The following TMEM44 variants were observed in gnomAD, a reference collection of about 807,000 sequenced individuals.
TMEM44 encodes the protein transmembrane protein 44.
Under a neutral mutation model 47.8 loss-of-function variants are expected in TMEM44, and 43 were observed. That is an observed-to-expected ratio of 0.90 (90% CI 0.70 to 1.16). The LOEUF (loss-of-function observed/expected upper bound fraction) is 1.16. Ranked by LOEUF, TMEM44 falls within the 50% of genes most tolerant of loss-of-function variation. TMEM44 has a pLI of 0.00. For synonymous variants in TMEM44, 277 were observed against 238.8 expected (o/e 1.16, Z -1.48); for missense variants, 568 against 555.2 (o/e 1.02, Z -0.23).
intron 8 of TMEM44, among the ~76,000 whole-genome samples, chr3:194,608,928 C>T (rs1381636929): frequency 6.6e-6 from 1 of 152,136 alleles, no homozygotes; most frequent in Non-Finnish European, 1.5e-5. Flanking sequence ...TAGAGATGGG[C>T]AGGGCAGGAC....
At chr3:194,597,661 A>G (rs55726551) in intron 9 of TMEM44, among the ~76,000 whole-genome samples, 2 of 148,128 alleles carry the variant, frequency 1.4e-5, no homozygotes, top group African/African-American at 5.3e-5. Context: ...AAAAAAAAAA[A>G]AAAAGAAAAA....
intron 7 of TMEM44, 54 bp downstream of exon 7, chr3:194,615,515 C>G (rs1715782933): frequency 1.3e-6 from 2 of 1,597,552 alleles, no homozygotes; most frequent in African/African-American, 1.3e-5. Flanking sequence ...TCTCAAGATA[C>G]TGTTGCTGGG....
At chr3:194,603,356 G>A (rs774021380) in intron 9 of TMEM44, among the ~76,000 whole-genome samples, 1 of 152,196 alleles carries the variant, frequency 6.6e-6, no homozygotes, top group African/African-American at 2.4e-5. Flanking sequence ...GGTGCTCCTC[G>A]GGGGGAGAAA....
chr3:194,620,062 G>C (rs965846066), intron 5 of TMEM44, among the ~76,000 whole-genome samples: 5 of 152,040 alleles, frequency 3.3e-5, no homozygotes, highest in Non-Finnish European at 7.4e-5. Flanking sequence ...AGGCCGAGGC[G>C]GGTGGATCAC....
chr3:194,616,054 C>A (rs1043876035), intron 6 of TMEM44, among the ~76,000 whole-genome samples: 2 of 151,428 alleles, frequency 1.3e-5, no homozygotes, highest in African/African-American at 4.9e-5. Context: ...CTGAATGTGA[C>A]CCCCTTTTTT....
At chr3:194,609,800 T>A in intron 8 of TMEM44, among the ~76,000 whole-genome samples, 1 of 152,090 alleles carries the variant, frequency 6.6e-6, no homozygotes, top group Non-Finnish European at 1.5e-5. Flanking sequence ...GGCTTCCAAC[T>A]GGCCCTGACT....
intron 5 of TMEM44, among the ~76,000 whole-genome samples, chr3:194,617,943 C>A (rs1467502615): frequency 6.6e-6 from 1 of 152,188 alleles, no homozygotes; most frequent in Non-Finnish European, 1.5e-5. Flanking sequence ...TCTCTCTCTG[C>A]CTGCTCACAC....
chr3:194,620,322 G>A (rs1716388629), intron 5 of TMEM44, among the ~76,000 whole-genome samples: 2 of 150,580 alleles, frequency 1.3e-5, no homozygotes, highest in Admixed American at 1.3e-4. Flanking sequence ...ATACCAGGAA[G>A]GGCCCACCCC....
chr3:194,619,209 C>T (rs1321697811), intron 5 of TMEM44, among the ~76,000 whole-genome samples: 3 of 152,244 alleles, frequency 2.0e-5, no homozygotes, highest in African/African-American at 7.2e-5. Flanking sequence ...AGTGACAGCG[C>T]CCACTGTCCT....
intron 3 of TMEM44, among the ~76,000 whole-genome samples, chr3:194,624,675 T>TC (rs1184884380): frequency 1.3e-5 from 2 of 151,580 alleles, no homozygotes; most frequent in Non-Finnish European, 2.9e-5. Flanking sequence ...CAACTCAGCC[T>TC]CCCGAAGTGC....
intron 9 of TMEM44, among the ~76,000 whole-genome samples, chr3:194,601,189 C>A (rs1814820): frequency 2.0e-5 from 3 of 150,070 alleles, no homozygotes; most frequent in African/African-American, 7.4e-5. Context: ...TTTCACCCAG[C>A]CTGGAGTGAA....
rs150351493 is a variant in TMEM44, at chr3:194,628,390, G to A, written c.257C>T (p.Thr86Ile). ...GCTGGAGGCCCAACATACCTGGATT[G>A]TGAGCTGTCTGGCCAGAAGAGCCCC... is the stretch of plus-strand genomic sequence containing the variant. ...TVGALLARQLTIQVFTGAYLA... is the reference protein window; with the variant it reads ...TVGALLARQLIIQVFTGAYLA... The change falls in exon 2 of 10, where the codon ACA becomes ATA. Residue 86 changes from threonine to isoleucine, a missense_variant. Physicochemically the swap from Thr to Ile is moderately conservative, Grantham distance 89. Coordinates refer to ENST00000347147, the MANE Select transcript of TMEM44 (RefSeq NM_001011655.3). The A allele has an allele frequency of 2.5e-6, 4 of 1,610,960 alleles. No individual in the cohort carries two copies. In the African/African-American group the frequency reaches 5.3e-5, roughly 22 times the overall value.
At chr3:194,594,520 A>T (rs1157347562) in intron 9 of TMEM44, among the ~76,000 whole-genome samples, 2 of 149,488 alleles carry the variant, frequency 1.3e-5, no homozygotes, top group African/African-American at 4.9e-5. Context: ...ATAAGGACTT[A>T]AAAAAAAAAC....
rs556285389 is a variant in TMEM44 at position 194,599,917 on chromosome 3, A to G, written c.1176+4370T>C. On this transcript the variant is annotated intron_variant, in intron 9 of 9. Coordinates refer to ENST00000347147, the MANE Select transcript of TMEM44 (RefSeq NM_001011655.3). ...TGGGATTACAGGCATGCGCCACCAT[A>G]CCCGGCTAATTTTTGTATTTTTAGT... 2.5e-3 allele frequency among the ~76,000 whole-genome samples: 373 copies of G among 151,080 alleles called. 2 individuals carry two copies. The highest frequency in any genetic ancestry group is 0.021 in the South Asian group (100 of 4,786).
In TMEM44 at chr3:194,611,158, C is replaced by T; in HGVS notation, c.913-138G>A. 2 of 694,186 alleles carry T rather than the reference C, an allele frequency of 2.9e-6. No homozygotes were observed. Among genetic ancestry groups the T allele is most frequent in the Non-Finnish European group, 5.1e-6 (2 of 392,910 alleles). The allele number at this position is 694,186 out of a possible 1,614,324, so 43.0% of individuals were successfully genotyped here. ...CTTTTTTAACGGCACGTCTCACTTT[C>T]TGCTTCCTATAAGATGTGTCTTATC... On this transcript the variant is annotated intron_variant, in intron 7 of 9. Transcript: ENST00000347147. The surrounding 1 kb of genome is among the most constrained non-coding windows in gnomAD (Gnocchi z 4.2).
intron 1 of TMEM44, among the ~76,000 whole-genome samples, chr3:194,628,841 A>C (rs1717461643): frequency 1.3e-5 from 2 of 152,066 alleles, no homozygotes; most frequent in South Asian, 4.1e-4. Context: ...ATCGGGTTTT[A>C]TTTTTTGAAA....
intron 9 of TMEM44, among the ~76,000 whole-genome samples, chr3:194,592,087 G>A (rs1253072498): frequency 6.6e-6 from 1 of 151,914 alleles, no homozygotes; most frequent in African/African-American, 2.4e-5. Flanking sequence ...GCGCGGTGGC[G>A]GGCGCCTGTA....
At chr3:194,588,771 A>ACTTGTCCTTACCCTTTT in intron 9 of TMEM44, 132 bp from the exon 10 acceptor site, 6 of 833,930 alleles carry the variant, frequency 7.2e-6, no homozygotes, top group Non-Finnish European at 1.1e-5. Flanking sequence ...CAAAAGGGTA[A>ACTTGTCCTTACCCTTTT]GGACAAGTTA....
At chr3:194,632,668 A>T (rs574286399) in intron 1 of TMEM44, among the ~76,000 whole-genome samples, 1 of 152,334 alleles carries the variant, frequency 6.6e-6, no homozygotes, top group Admixed American at 6.5e-5. Context: ...ATGTTTAATG[A>T]GCATTTACTA....
Sources: allele counts gnomAD v4.1 joint callset (sites outside exome capture counted in the v4.1 genomes callset), GRCh38; gene constraint gnomAD v4.1.1; non-coding constraint Gnocchi (gnomAD v3.1); transcripts MANE v1.5; gene names NCBI Gene and HGNC (gene_info 2026-07-23, HGNC 2026-07-21).